Variants in CTNNA2 observed in about 807,000 individuals in gnomAD.
The protein encoded by CTNNA2 is catenin alpha-2.
CTNNA2 carries 42 observed loss-of-function variants against 101.0 expected under a neutral mutation model. The observed-to-expected ratio is 0.42, with a 90% CI of 0.32 to 0.54. CTNNA2 has a LOEUF of 0.54. CTNNA2 is among the 20% of genes least tolerant of loss of function. The probability of loss-of-function intolerance (pLI) is 0.14; values close to 1 mark genes in which losing one functional copy is unlikely to be tolerated. For synonymous variants in CTNNA2, 450 were observed against 456.4 expected, an observed-to-expected ratio of 0.99 and a Z score of 0.18; for missense variants, 871 against 1,223.1, an observed-to-expected ratio of 0.71 and a Z score of 4.29.
intron 7 of CTNNA2, among the ~76,000 whole-genome samples, chr2:80,231,602 C>T (rs460954): frequency 6.6e-6 from 1 of 151,928 alleles, no homozygotes; most frequent in Non-Finnish European, 1.5e-5. Flanking sequence ...CTTTCCTCCT[C>T]TTGGAGGTTA....
chr2:79,540,017 A>T (rs976522262), intron 1 of CTNNA2, among the ~76,000 whole-genome samples: 1 of 152,194 alleles, frequency 6.6e-6, no homozygotes, highest in African/African-American at 2.4e-5. Flanking sequence ...TATAATTCCT[A>T]AATTCCTTTC....
Position 79,474,724 on chromosome 2 carries a change from CTAGAATCAGAAGTG to C in CTNNA2, c.-134-30328_-134-30315del, listed in dbSNP as rs1302036475. ...ATTTCCAAACGAAATTATTATGAGTCTAGAATCAGAAGTGTGGTTTAAAATAGTATTTTACACTT... is the reference window on the plus strand; with the variant it reads ...ATTTCCAAACGAAATTATTATGAGTCTGGTTTAAAATAGTATTTTACACTT... On this transcript the variant is annotated intron_variant, in intron 4 of 21. Coordinates refer to the CTNNA2 transcript ENST00000466387. Among the ~76,000 whole-genome samples, 8 of 152,220 alleles carry C rather than the reference CTAGAATCAGAAGTG, an allele frequency of 5.3e-5. No individual in the cohort carries two copies. The East Asian group carries it at 1.5e-3, about 29-fold the overall frequency.
intron 7 of CTNNA2, among the ~76,000 whole-genome samples, chr2:80,034,866 T>C (rs145001793): frequency 2.6e-5 from 4 of 152,296 alleles, no homozygotes; most frequent in African/African-American, 9.6e-5. Context: ...GAAGTCTGTT[T>C]AGAAACAACT....
chr2:80,217,324 C>T (rs1708329373), intron 7 of CTNNA2, among the ~76,000 whole-genome samples: 1 of 152,080 alleles, frequency 6.6e-6, no homozygotes, highest in African/African-American at 2.4e-5. Context: ...ACTTCATCCT[C>T]TTCATCAGGA....
intron 9 of CTNNA2, among the ~76,000 whole-genome samples, chr2:80,466,451 A>G (rs1253428201): frequency 4.6e-5 from 7 of 152,224 alleles, no homozygotes; most frequent in Non-Finnish European, 7.3e-5. Context: ...GTTATGGATG[A>G]CTTTCCAGGT....
chr2:79,956,760 A>G (rs888338445), intron 7 of CTNNA2, among the ~76,000 whole-genome samples: 2 of 151,844 alleles, frequency 1.3e-5, no homozygotes, highest in Non-Finnish European at 2.9e-5. Flanking sequence ...TAGCTATTCC[A>G]AAGACAGAAA....
intron 7 of CTNNA2, chr2:80,162,745 A>G (rs201582877): frequency 2.4e-5 from 39 of 1,607,310 alleles, no homozygotes; most frequent in Non-Finnish European, 3.2e-5. Flanking sequence ...GAAAATCCTG[A>G]TTGATCCAGA....
intron 9 of CTNNA2, among the ~76,000 whole-genome samples, chr2:80,465,940 G>T (rs1281942032): frequency 1.3e-5 from 2 of 152,090 alleles, no homozygotes; most frequent in African/African-American, 4.8e-5. Context: ...AAATAATAGT[G>T]TGTCTCACAT....
chr2:80,059,690 C>G (rs1697446092), intron 7 of CTNNA2, among the ~76,000 whole-genome samples: 1 of 152,210 alleles, frequency 6.6e-6, no homozygotes, highest in South Asian at 2.1e-4. Context: ...GCGGCACCCA[C>G]ACACCTTGCT....
chr2:79,758,982 A>T (rs571379520), intron 3 of CTNNA2, among the ~76,000 whole-genome samples: 1 of 152,310 alleles, frequency 6.6e-6, no homozygotes, highest in African/African-American at 2.4e-5. Context: ...AGTGATATAT[A>T]GGCAATCTGG....
intron 3 of CTNNA2, among the ~76,000 whole-genome samples, chr2:79,832,868 C>T (rs192834647): frequency 3.3e-5 from 5 of 152,332 alleles, no homozygotes; most frequent in Admixed American, 1.3e-4. Flanking sequence ...AGTTCTCCTT[C>T]GACCATTGTG....
intron 1 of CTNNA2, among the ~76,000 whole-genome samples, chr2:79,604,756 G>T (rs1462769864): frequency 1.3e-5 from 2 of 152,272 alleles, no homozygotes; most frequent in East Asian, 3.9e-4. Context: ...TAAATTAGGA[G>T]GTACTGGAGA....
At chr2:80,605,471 AAG>A (rs1361558655) in intron 16 of CTNNA2, 1 of 151,970 alleles carries the variant, frequency 6.6e-6, no homozygotes, top group South Asian at 2.1e-4. Flanking sequence ...GAGATACTGA[AAG>A]AGAATTGCAT....
chr2:79,437,232 C>CAA (rs70940035), intron 4 of CTNNA2, among the ~76,000 whole-genome samples: 1,974 of 140,380 alleles, frequency 0.014, 20 homozygotes, highest in Non-Finnish European at 0.023. Flanking sequence ...GAAACTGTCT[C>CAA]AAAAAAAAAA....
At chr2:80,055,283 C>T (rs1204173168) in intron 7 of CTNNA2, among the ~76,000 whole-genome samples, 1 of 152,122 alleles carries the variant, frequency 6.6e-6, no homozygotes, top group Non-Finnish European at 1.5e-5. Context: ...CCCAACTTTG[C>T]CTCCCTAAGT....
intron 2 of CTNNA2, among the ~76,000 whole-genome samples, chr2:79,679,537 G>T (rs117098124): frequency 0.018 from 2,679 of 151,796 alleles, 68 homozygotes; most frequent in Admixed American, 0.069. Flanking sequence ...ATCCTGCCCC[G>T]CAGCATGCAG....
At chr2:80,563,506 A>G (rs760250434) in intron 12 of CTNNA2, among the ~76,000 whole-genome samples, 11 of 152,212 alleles carry the variant, frequency 7.2e-5, no homozygotes, top group Non-Finnish European at 1.6e-4. Flanking sequence ...AGTACTGTAT[A>G]TGGCCAGAGT....
intron 7 of CTNNA2, among the ~76,000 whole-genome samples, chr2:79,933,643 CG>C (rs1278454263): frequency 2.0e-5 from 3 of 151,910 alleles, no homozygotes; most frequent in Non-Finnish European, 4.4e-5. Context: ...TTAGTAGAGA[CG>C]GGGTTTCACC....
intron 3 of CTNNA2, among the ~76,000 whole-genome samples, chr2:79,827,511 G>T (rs1678540693): frequency 6.6e-6 from 1 of 152,170 alleles, no homozygotes; most frequent in Non-Finnish European, 1.5e-5. Context: ...AGAACCTCTT[G>T]TTCAAGGAGC....
Sources: allele counts gnomAD v4.1 joint callset (sites outside exome capture counted in the v4.1 genomes callset), GRCh38; gene constraint gnomAD v4.1.1; transcripts MANE v1.5; gene names NCBI Gene and HGNC (gene_info 2026-07-23, HGNC 2026-07-21).